Variants in SH3BGRL2 observed in about 807,000 individuals in gnomAD.
The protein encoded by SH3BGRL2 is SH3 domain-binding glutamic acid-rich-like protein 2.
In SH3BGRL2, 21 loss-of-function variants were observed where a neutral mutation model predicts 14.8. The ratio of observed to expected loss-of-function variants is 1.42; its 90% confidence interval spans 1.01 to 2.05. The LOEUF (loss-of-function observed/expected upper bound fraction) is 2.05, where lower values mean the gene tolerates loss of function less well. Among genes scored for constraint, SH3BGRL2 ranks in the 30% most tolerant of loss-of-function variants. The probability of loss-of-function intolerance (pLI) is 0.00; values close to 1 mark genes in which losing one functional copy is unlikely to be tolerated. For synonymous variants in SH3BGRL2, 50 were observed against 47.8 expected, an observed-to-expected ratio of 1.05 and a Z score of -0.19; for missense variants, 147 against 130.8, an observed-to-expected ratio of 1.12 and a Z score of -0.61.
At chr6:79,661,275 T>G (rs778407213) in intron 1 of SH3BGRL2, among the ~76,000 whole-genome samples, 2 of 152,236 alleles carry the variant, frequency 1.3e-5, no homozygotes, top group African/African-American at 2.4e-5. Flanking sequence ...TTTAGTACTA[T>G]AAATTTCCCT....
the SH3BGRL2 span, among the ~76,000 whole-genome samples, chr6:79,592,274 A>G: frequency 6.6e-6 from 1 of 152,230 alleles, no homozygotes; most frequent in African/African-American, 2.4e-5. Context: ...ATTCAATCCC[A>G]TAAACCTTTA....
chr6:79,696,214 G>A (rs544335831), intron 2 of SH3BGRL2, among the ~76,000 whole-genome samples: 124 of 152,266 alleles, frequency 8.1e-4, no homozygotes, highest in Non-Finnish European at 1.4e-3. Context: ...CAAAGGAAAA[G>A]GAGTGTGTTC....
At chr6:79,619,329 T>C in the SH3BGRL2 span, among the ~76,000 whole-genome samples, 4 of 152,184 alleles carry the variant, frequency 2.6e-5, no homozygotes, top group African/African-American at 9.6e-5. Flanking sequence ...GTGCTTTGTT[T>C]TTTTTTCCTC....
At chr6:79,590,455 A>ATG in the SH3BGRL2 span, among the ~76,000 whole-genome samples, 289 of 116,156 alleles carry the variant, frequency 2.5e-3, 5 homozygotes, top group Non-Finnish European at 3.8e-3. Context: ...ATATATATAT[A>ATG]TATATATATG....
chr6:79,680,008 A>T lies in SH3BGRL2; in HGVS notation c.231+6209A>T, dbSNP rs190891123. Among the ~76,000 whole-genome samples the T allele has an allele frequency of 2.4e-3, 372 of 152,266 alleles. 2 individuals are homozygous for T. Among genetic ancestry groups the T allele is most frequent in the Admixed American group, 3.7e-3 (56 of 15,280 alleles). On this transcript the variant is annotated intron_variant, in intron 2 of 3. Transcript: ENST00000369838. ...CCCTTATCAGCTATCTGATTGGCAA[A>T]TATTTTCCTCCACTCCATAGGTTGC...
chr6:79,611,023 A>G, the SH3BGRL2 span, among the ~76,000 whole-genome samples: 1 of 152,198 alleles, frequency 6.6e-6, no homozygotes, highest in African/African-American at 2.4e-5. Flanking sequence ...AAAAGTAAGA[A>G]AGTTAGACTT....
chr6:79,697,143 C>A (rs1333487856), intron 3 of SH3BGRL2, among the ~76,000 whole-genome samples: 1 of 151,628 alleles, frequency 6.6e-6, no homozygotes, highest in Non-Finnish European at 1.5e-5. Context: ...GATTCACTTT[C>A]AAAAAAGAAA....
the SH3BGRL2 span, among the ~76,000 whole-genome samples, chr6:79,557,972 AC>A: frequency 6.6e-6 from 1 of 152,236 alleles, no homozygotes; most frequent in South Asian, 2.1e-4. Flanking sequence ...TTCAAATCTA[AC>A]TGAGCTATTG....
chr6:79,649,926 A>G (rs903476189), intron 1 of SH3BGRL2, among the ~76,000 whole-genome samples: 9 of 151,322 alleles, frequency 5.9e-5, no homozygotes, highest in Non-Finnish European at 1.3e-4. Context: ...TGACCTTTTT[A>G]AAGGGTTTTG....
chr6:79,567,656 TTCC>T, the SH3BGRL2 span, among the ~76,000 whole-genome samples: 8 of 152,320 alleles, frequency 5.3e-5, 1 homozygote, highest in South Asian at 1.7e-3. Context: ...TTTTTAAAAC[TTCC>T]TGAAGAAAAT....
the SH3BGRL2 span, among the ~76,000 whole-genome samples, chr6:79,549,746 CAG>C: frequency 6.6e-6 from 1 of 152,120 alleles, no homozygotes; most frequent in Non-Finnish European, 1.5e-5. Flanking sequence ...TCTTTTATAA[CAG>C]TGAGTTAATA....
chr6:79,662,622 G>A (rs757894395), intron 1 of SH3BGRL2, among the ~76,000 whole-genome samples: 22 of 151,898 alleles, frequency 1.4e-4, no homozygotes, highest in Non-Finnish European at 2.8e-4. Context: ...ACAATTAGTT[G>A]TCTTGGAGTT....
chr6:79,539,976 AT>A, the SH3BGRL2 span, among the ~76,000 whole-genome samples: 8 of 152,142 alleles, frequency 5.3e-5, no homozygotes, highest in Non-Finnish European at 1.5e-5. Flanking sequence ...AAATTCAAAA[AT>A]TTTTTCTCTA....
At chr6:79,563,403 C>T in the SH3BGRL2 span, among the ~76,000 whole-genome samples, 8 of 152,152 alleles carry the variant, frequency 5.3e-5, no homozygotes, top group South Asian at 2.1e-4. Context: ...TGAGCCACAG[C>T]GCCCCGCCTA....
intron 1 of SH3BGRL2, among the ~76,000 whole-genome samples, chr6:79,638,461 T>G (rs1768968651): frequency 6.6e-6 from 1 of 152,194 alleles, no homozygotes; most frequent in South Asian, 2.1e-4. Context: ...TTGGATAAAT[T>G]CTCTGTAGTG....
the SH3BGRL2 span, among the ~76,000 whole-genome samples, chr6:79,540,429 C>T: frequency 1.3e-5 from 2 of 150,246 alleles, no homozygotes; most frequent in East Asian, 4.1e-4. Flanking sequence ...AGCAAGATTC[C>T]GTCTCAAAAA....
At chr6:79,549,431 C>A in the SH3BGRL2 span, among the ~76,000 whole-genome samples, 1 of 152,024 alleles carries the variant, frequency 6.6e-6, no homozygotes, top group South Asian at 2.1e-4. Flanking sequence ...ACCAGTGGTC[C>A]CATAAGATTA....
chr6:79,626,716 T>C (rs1002338299), upstream of SH3BGRL2, among the ~76,000 whole-genome samples: 21 of 152,144 alleles, frequency 1.4e-4, no homozygotes, highest in Non-Finnish European at 2.6e-4. Flanking sequence ...TTTTTAAAAA[T>C]CAAGCCAACA....
chr6:79,557,700 C>T, the SH3BGRL2 span, among the ~76,000 whole-genome samples: 7 of 152,266 alleles, frequency 4.6e-5, no homozygotes, highest in South Asian at 6.2e-4. Context: ...GTAGTGAATA[C>T]GCTTGTTAGG....
Sources: allele counts gnomAD v4.1 joint callset (sites outside exome capture counted in the v4.1 genomes callset), GRCh38; gene constraint gnomAD v4.1.1; transcripts MANE v1.5; gene names NCBI Gene and HGNC (gene_info 2026-07-23, HGNC 2026-07-21).